Variants in SPECC1 observed in about 807,000 individuals in gnomAD.
SPECC1 encodes the protein sperm antigen with calponin homology and coiled-coil domains 1, also known as cytospin-B.
Under a neutral mutation model 104.1 loss-of-function variants are expected in SPECC1, and 62 were observed. The ratio of observed to expected loss-of-function variants is 0.60; its 90% CI spans 0.49 to 0.74. The LOEUF (loss-of-function observed/expected upper bound fraction) is 0.74, where lower values mean the gene tolerates loss of function less well. SPECC1 is among the 30% of genes least tolerant of loss of function. The probability of loss-of-function intolerance (pLI) is 0.00; values close to 1 mark genes in which losing one functional copy is unlikely to be tolerated. For missense variants in SPECC1, 1,306 were observed against 1,310.5 expected (o/e 1.00, Z 0.05); for synonymous variants, 513 against 501.6 (o/e 1.02, Z -0.30).
chr17:20,114,722 A>G (rs574770988), intron 3 of SPECC1, among the ~76,000 whole-genome samples: 1 of 152,166 alleles, frequency 6.6e-6, no homozygotes, highest in African/African-American at 2.4e-5. Context: ...TGGGAGAATG[A>G]CTCATCTTTA....
rs372114072 is a variant in SPECC1, at chr17:20,246,044, A to T, written c.2470A>T (p.Ile824Phe). 6.2e-7 allele frequency: 1 copy of T among 1,614,086 alleles called. No individual in the cohort carries two copies. The highest frequency in any genetic ancestry group is 1.3e-5 in the African/African-American group (1 of 74,928). The change falls in exon 8 of 15, where the codon ATC (isoleucine) becomes TTC (phenylalanine). Residue 824 changes from isoleucine (I) to phenylalanine (F), a missense_variant. Transcript: ENST00000395527. Reference protein sequence around the residue: ...PESATTVKSLIKSFDLGRPGG... With the variant: ...PESATTVKSLFKSFDLGRPGG... ...GTCGGCAACCACCGTTAAGTCACTT[A>T]TCAAGTCATTTGACTTGGGACGCCC...
intron 12 of SPECC1, among the ~76,000 whole-genome samples, chr17:20,285,615 G>A (rs1041479124): frequency 1.3e-5 from 2 of 152,048 alleles, no homozygotes; most frequent in Admixed American, 6.6e-5. Flanking sequence ...TAATCAGCAA[G>A]TTTCTTTCTG....
chr17:20,217,198 C>T (rs985445222), intron 4 of SPECC1, among the ~76,000 whole-genome samples: 9 of 151,726 alleles, frequency 5.9e-5, no homozygotes, highest in African/African-American at 1.5e-4. Flanking sequence ...AAAATATCTG[C>T]CTGTTATTAT....
At position 20,296,957 on chromosome 17, in the gene SPECC1, G is replaced by A. The variant is rs1401259817; in HGVS notation, c.2941-4G>A. The A allele has an allele frequency of 1.2e-6, 2 of 1,613,896 alleles. No homozygotes were observed. The highest frequency in any genetic ancestry group is 2.2e-5 in the East Asian group (1 of 44,874). On this transcript the variant is annotated splice_polypyrimidine_tract_variant and splice_region_variant and intron_variant, in intron 12 of 14. Coordinates refer to ENST00000395527, the MANE Select transcript of SPECC1 (RefSeq NM_001243439.2). ...TTGTTTATTACTACTTTTCTCTCCTGCAGAACATTGACATCACCAATTTCA... is the reference window on the plus strand; with the variant it reads ...TTGTTTATTACTACTTTTCTCTCCTACAGAACATTGACATCACCAATTTCA...
intron 3 of SPECC1, among the ~76,000 whole-genome samples, chr17:20,142,021 T>TTC (rs1258931739): frequency 5.9e-5 from 9 of 152,194 alleles, no homozygotes; most frequent in Admixed American, 3.3e-4. Context: ...AAAACTTGAA[T>TTC]AGTGTCATGT....
At chr17:20,223,726 T>C (rs923127435) in intron 4 of SPECC1, among the ~76,000 whole-genome samples, 6 of 152,206 alleles carry the variant, frequency 3.9e-5, no homozygotes, top group African/African-American at 1.4e-4. Flanking sequence ...GAAAGGATTC[T>C]AAATTCTTTC....
Position 20,204,962 on chromosome 17 carries a change from C to T in SPECC1, c.913C>T (p.His305Tyr). 6.2e-7 allele frequency: 1 copy of T among 1,614,152 alleles called. No individual in the cohort carries two copies. Among genetic ancestry groups the T allele is most frequent in the South Asian group, 1.1e-5 (1 of 91,088 alleles). Reference protein sequence around the residue: ...SDIDEYKKNIHGNALRTSGSS... With the variant: ...SDIDEYKKNIYGNALRTSGSS... ...CATTGATGAGTATAAAAAAAACATA[C>T]ATGGAAATGCATTACGGACATCAGG... Residue 305 changes from histidine (H) to tyrosine (Y), a missense_variant, in exon 4 of 15, where the codon CAT becomes TAT. Physicochemically the swap from His to Tyr is moderately conservative, Grantham distance 83. Coordinates refer to ENST00000395527, the MANE Select transcript of SPECC1 (RefSeq NM_001243439.2).
At chr17:20,192,959 A>C (rs2035769451) in intron 3 of SPECC1, among the ~76,000 whole-genome samples, 1 of 152,186 alleles carries the variant, frequency 6.6e-6, no homozygotes, top group African/African-American at 2.4e-5. Flanking sequence ...CCACAGTGCA[A>C]AGTGAAAGCA....
intron 3 of SPECC1, among the ~76,000 whole-genome samples, chr17:20,146,436 G>A (rs540139087): frequency 6.6e-6 from 1 of 152,310 alleles, no homozygotes; most frequent in South Asian, 2.1e-4. Context: ...ATGTACCACA[G>A]TTTATCATTC....
intron 13 of SPECC1, among the ~76,000 whole-genome samples, chr17:20,302,889 A>G (rs1360796658): frequency 6.7e-6 from 1 of 149,526 alleles, no homozygotes; most frequent in African/African-American, 2.4e-5. Context: ...AAAAAAAAAA[A>G]AAAAAAAAAA....
intron 3 of SPECC1, among the ~76,000 whole-genome samples, chr17:20,135,486 G>C (rs1351879990): frequency 1.3e-5 from 2 of 152,126 alleles, no homozygotes; most frequent in Non-Finnish European, 2.9e-5. Context: ...GGGTCTTGCT[G>C]TGTCACCCAG....
intron 3 of SPECC1, among the ~76,000 whole-genome samples, chr17:20,129,775 A>G (rs1597780524): frequency 6.6e-6 from 1 of 151,838 alleles, no homozygotes; most frequent in Non-Finnish European, 1.5e-5. Context: ...TTGTTTTGAG[A>G]CAGAGTCTAA....
chr17:20,179,909 C>A (rs1392220538), intron 3 of SPECC1, among the ~76,000 whole-genome samples: 1 of 152,130 alleles, frequency 6.6e-6, no homozygotes, highest in Non-Finnish European at 1.5e-5. Context: ...TGCCTTGGAA[C>A]ATCTAGGAAA....
chr17:20,066,911 A>AATT (rs2046376691), intron 1 of SPECC1, among the ~76,000 whole-genome samples: 1 of 120,108 alleles, frequency 8.3e-6, no homozygotes, highest in Non-Finnish European at 1.7e-5. Context: ...GGCTAATCAA[A>AATT]TTTTTTTTTT....
At chr17:20,054,876 C>T (rs1445031338) in intron 1 of SPECC1, among the ~76,000 whole-genome samples, 1 of 152,158 alleles carries the variant, frequency 6.6e-6, no homozygotes, top group African/African-American at 2.4e-5. Context: ...TAGTCTCGAA[C>T]TCCTGGGCTT....
chr17:20,116,843 G>A (rs980228623), intron 3 of SPECC1, among the ~76,000 whole-genome samples: 3 of 108,532 alleles, frequency 2.8e-5, no homozygotes, highest in Admixed American at 1.4e-4. Context: ...TGGCTGTCAT[G>A]ACTCGGGGCT....
chr17:20,148,128 A>C (rs1386132315), intron 3 of SPECC1, among the ~76,000 whole-genome samples: 3 of 152,246 alleles, frequency 2.0e-5, no homozygotes, highest in Non-Finnish European at 4.4e-5. Context: ...TTTAGTTCTT[A>C]ACAGTATTCT....
chr17:20,294,894 T>C (rs1376611786), intron 12 of SPECC1, among the ~76,000 whole-genome samples: 1 of 152,196 alleles, frequency 6.6e-6, no homozygotes, highest in East Asian at 1.9e-4. Context: ...AATACTATTC[T>C]GTGAATGGAT....
intron 7 of SPECC1, among the ~76,000 whole-genome samples, chr17:20,241,363 T>C (rs1357719373): frequency 2.0e-5 from 3 of 152,170 alleles, no homozygotes; most frequent in Non-Finnish European, 2.9e-5. Context: ...ACCTTGGCCT[T>C]CTCGGATGTA....
Sources: allele counts gnomAD v4.1 joint callset (sites outside exome capture counted in the v4.1 genomes callset), GRCh38; gene constraint gnomAD v4.1.1; transcripts MANE v1.5; gene names NCBI Gene and HGNC (gene_info 2026-07-23, HGNC 2026-07-21).